Variants in TMEM217 observed in about 807,000 individuals in gnomAD.
TMEM217 encodes transmembrane protein 217, also known as chromosome 6 open reading frame 128.
For missense variants in TMEM217, 204 were observed against 248.8 expected (o/e 0.82, Z 1.21); for synonymous variants, 76 against 88.3 (o/e 0.86, Z 0.78).
At chr6:37,226,422 A>G (rs904249494) in intron 1 of TMEM217, among the ~76,000 whole-genome samples, 2 of 147,002 alleles carry the variant, frequency 1.4e-5, no homozygotes, top group African/African-American at 2.5e-5. Context: ...CCTCCCAAGT[A>G]GCTGGGACTA....
chr6:37,212,272 C>T, exon 4 of TMEM217: 1 of 349,028 alleles, frequency 2.9e-6, no homozygotes, highest in Non-Finnish European at 5.6e-6. Flanking sequence ...ACAACCTGCC[C>T]TCTCCCGAGA....
At chr6:37,233,741 G>C (rs936952223) in intron 1 of TMEM217, among the ~76,000 whole-genome samples, 2 of 152,178 alleles carry the variant, frequency 1.3e-5, no homozygotes, top group African/African-American at 4.8e-5. Flanking sequence ...TAACCATACA[G>C]ATGGTCCCTA....
chr6:37,233,384 A>T (rs1764316286), intron 1 of TMEM217, among the ~76,000 whole-genome samples: 1 of 152,158 alleles, frequency 6.6e-6, no homozygotes, highest in South Asian at 2.1e-4. Flanking sequence ...AAACAACAGA[A>T]ATTTATTTCT....
chr6:37,221,947 G>A (rs1207668292), intron 1 of TMEM217, among the ~76,000 whole-genome samples: 1 of 152,122 alleles, frequency 6.6e-6, no homozygotes, highest in Non-Finnish European at 1.5e-5. Context: ...GTCTCTGCAG[G>A]TCTCTGAGGC....
intron 1 of TMEM217, among the ~76,000 whole-genome samples, chr6:37,221,079 A>G (rs1763488781): frequency 6.6e-6 from 1 of 152,112 alleles, no homozygotes; most frequent in African/African-American, 2.4e-5. Context: ...GAAACTGTAC[A>G]CCCATTAAGC....
chr6:37,240,428 G>T (rs901802940), intron 1 of TMEM217, among the ~76,000 whole-genome samples: 2 of 152,140 alleles, frequency 1.3e-5, no homozygotes, highest in Non-Finnish European at 2.9e-5. Flanking sequence ...TCACCTCCTG[G>T]GCCTTTCTAT....
chr6:37,247,618 C>T (rs1292648189), intron 1 of TMEM217, among the ~76,000 whole-genome samples: 2 of 152,088 alleles, frequency 1.3e-5, no homozygotes, highest in African/African-American at 4.8e-5. Context: ...GATCTCCTGA[C>T]CTCGTGATTC....
At chr6:37,257,645 T>A (rs1765835502) in exon 1 of TMEM217, 8 of 473,598 alleles carry the variant, frequency 1.7e-5, no homozygotes, top group Non-Finnish European at 2.3e-5. Flanking sequence ...CCCGTCCACC[T>A]GTGTGCCCAG....
chr6:37,240,063 G>A (rs944274344), intron 1 of TMEM217, among the ~76,000 whole-genome samples: 4 of 152,146 alleles, frequency 2.6e-5, no homozygotes, highest in Non-Finnish European at 1.5e-5. Flanking sequence ...AAGAAGAGGC[G>A]AGACAGAAAA....
chr6:37,219,745 T>A (rs1439166879), intron 1 of TMEM217, among the ~76,000 whole-genome samples: 1 of 151,580 alleles, frequency 6.6e-6, no homozygotes, highest in African/African-American at 2.4e-5. Context: ...AAAAAAAAAA[T>A]TATGCTGTTA....
chr6:37,218,868 T>A (rs1406885790), exon 2 of TMEM217: 2 of 1,614,068 alleles, frequency 1.2e-6, no homozygotes, highest in Non-Finnish European at 1.7e-6. Flanking sequence ...TTATTTATGA[T>A]GTTACTTGCA....
exon 4 of TMEM217, chr6:37,212,498 G>A (rs765813343): frequency 3.5e-5 from 16 of 456,702 alleles, no homozygotes; most frequent in South Asian, 7.7e-5. Flanking sequence ...CTGTGGCGGC[G>A]TTTCCTGCCC....
intron 1 of TMEM217, among the ~76,000 whole-genome samples, chr6:37,242,161 T>G (rs542018680): frequency 2.0e-5 from 3 of 152,172 alleles, no homozygotes; most frequent in Non-Finnish European, 4.4e-5. Flanking sequence ...CAGACTTCAG[T>G]GGTCCCACTG....
intron 1 of TMEM217, among the ~76,000 whole-genome samples, chr6:37,252,631 ATATATATTTTTTTTTT>A (rs1765490434): frequency 1.3e-5 from 1 of 77,328 alleles, no homozygotes; most frequent in African/African-American, 6.0e-5. Context: ...ATATATATAT[ATATATATTTTTTTTTT>A]TTTTTTTTTT....
At chr6:37,234,589 G>C (rs1679439297) in intron 1 of TMEM217, among the ~76,000 whole-genome samples, 1 of 151,854 alleles carries the variant, frequency 6.6e-6, no homozygotes, top group African/African-American at 2.4e-5. Flanking sequence ...GTCCACATCT[G>C]GCCAGATGTG....
intron 1 of TMEM217, among the ~76,000 whole-genome samples, chr6:37,228,034 C>A (rs59594850): frequency 0.08 from 12,212 of 152,068 alleles, 796 homozygotes; most frequent in African/African-American, 0.16. Flanking sequence ...ACTTCTAAAG[C>A]AAGAGTCTCA....
intron 1 of TMEM217, among the ~76,000 whole-genome samples, chr6:37,255,601 T>C (rs189063279): frequency 7.1e-4 from 108 of 152,124 alleles, no homozygotes; most frequent in African/African-American, 2.3e-3. Flanking sequence ...GGAGGATTGC[T>C]TGAGCCCAGG....
chr6:37,218,691 G>C (rs1763356926), exon 2 of TMEM217: 1 of 1,614,080 alleles, frequency 6.2e-7, no homozygotes, highest in South Asian at 1.1e-5. Context: ...TTGTTGGTGA[G>C]GATTTGTATT....
intron 1 of TMEM217, among the ~76,000 whole-genome samples, chr6:37,225,500 TAA>T (rs1262208362): frequency 3.3e-5 from 5 of 151,928 alleles, no homozygotes; most frequent in Admixed American, 6.6e-5. Context: ...AGGAAAAAAA[TAA>T]AAAGAGTGGA....
Sources: allele counts gnomAD v4.1 joint callset (sites outside exome capture counted in the v4.1 genomes callset), GRCh38; gene constraint gnomAD v4.1.1; transcripts MANE v1.5; gene names NCBI Gene and HGNC (gene_info 2026-07-23, HGNC 2026-07-21).